DNAH12: variants seen among roughly 807,000 people sequenced by gnomAD.
The protein encoded by DNAH12 is dynein axonemal heavy chain 12.
DNAH12 carries 285 observed loss-of-function variants against 371.5 expected under a neutral mutation model. The observed-to-expected ratio is 0.77, with a 90% confidence interval of 0.70 to 0.85. The LOEUF (loss-of-function observed/expected upper bound fraction) is 0.85. Ranked by LOEUF, DNAH12 falls within the 40% of genes least tolerant of loss-of-function variation. The pLI is 0.00. For missense variants in DNAH12, 3,611 were observed against 3,689.4 expected (o/e 0.98, Z 0.55); for synonymous variants, 1,200 against 1,213.0 (o/e 0.99, Z 0.22).
At chr3:57,403,571 T>A in intron 42 of DNAH12, 70 bp from the exon 43 acceptor site, 2 of 1,328,562 alleles carry the variant, frequency 1.5e-6, no homozygotes, top group Non-Finnish European at 2.0e-6. Context: ...ATGTAACTAT[T>A]GTTTCACTTT....
chr3:57,458,818 GAT>G (rs1051821084), intron 20 of DNAH12, among the ~76,000 whole-genome samples: 1 of 152,148 alleles, frequency 6.6e-6, no homozygotes, highest in Non-Finnish European at 1.5e-5. Context: ...CTGCAAGAAA[GAT>G]CTGTCCTGCA....
chr3:57,522,819 G>C (rs1031658787), intron 4 of DNAH12, among the ~76,000 whole-genome samples: 1 of 151,188 alleles, frequency 6.6e-6, no homozygotes. Context: ...GTCCCCTGTT[G>C]CCACTCATGC....
At chr3:57,366,955 G>A (rs1158679082) in intron 56 of DNAH12, 34 bp from the exon 57 acceptor site, 1 of 152,216 alleles carries the variant, frequency 6.6e-6, no homozygotes, top group Non-Finnish European at 1.5e-5. Context: ...TAACAAGTGA[G>A]CTAGTTACAT....
intron 47 of DNAH12, among the ~76,000 whole-genome samples, chr3:57,386,217 CA>C (rs2063497267): frequency 6.6e-6 from 1 of 152,036 alleles, no homozygotes; most frequent in African/African-American, 2.4e-5. Context: ...GTGATCTAGG[CA>C]ACTTATTGAA....
chr3:57,499,673 T>TATATATATATAC (rs771112538), intron 11 of DNAH12, among the ~76,000 whole-genome samples: 2 of 44,450 alleles, frequency 4.5e-5, no homozygotes, highest in African/African-American at 1.8e-4. Context: ...TATATATATA[T>TATATATATATAC]ATACTTCTTA....
chr3:57,402,331 T>C, intron 43 of DNAH12: 1 of 1,174,092 alleles, frequency 8.5e-7, no homozygotes, highest in African/African-American at 1.6e-5. Context: ...CCACTTTGTA[T>C]CATCTCTCTG....
At chr3:57,446,719 T>A (rs540140175) in intron 25 of DNAH12, 30 bp from the exon 26 acceptor site, 1 of 1,452,074 alleles carries the variant, frequency 6.9e-7, no homozygotes, top group Non-Finnish European at 9.1e-7. Context: ...TGAAAAGAAA[T>A]CCATGCTTAA....
intron 66 of DNAH12, among the ~76,000 whole-genome samples, chr3:57,313,697 C>T (rs112830684): frequency 0.11 from 16,511 of 152,102 alleles, 2,991 homozygotes; most frequent in African/African-American, 0.37. Context: ...GTCCCAGTTA[C>T]TCCAGAGGCT....
chr3:57,481,449 T>A (rs979145317), intron 13 of DNAH12, among the ~76,000 whole-genome samples: 1 of 152,228 alleles, frequency 6.6e-6, no homozygotes, highest in Non-Finnish European at 1.5e-5. Context: ...GAACATTCCA[T>A]GCTCATGGGT....
chr3:57,492,453 T>A (rs1239088726), intron 11 of DNAH12, among the ~76,000 whole-genome samples: 2 of 151,212 alleles, frequency 1.3e-5, no homozygotes, highest in Non-Finnish European at 3.0e-5. Context: ...AGAGCAAAAC[T>A]CCAACTCAAA....
intron 58 of DNAH12, among the ~76,000 whole-genome samples, chr3:57,360,268 C>A (rs1006184258): frequency 2.6e-5 from 4 of 152,084 alleles, no homozygotes; most frequent in African/African-American, 7.2e-5. Context: ...TCCTTTGGCT[C>A]CCCCAAGATG....
chr3:57,354,910 T>C lies in DNAH12; in HGVS notation c.9533+2266A>G, dbSNP rs992165479. On this transcript the variant is annotated intron_variant, in intron 59 of 73. Coordinates refer to ENST00000495027, the MANE Select transcript of DNAH12 (RefSeq NM_001366028.2). ...CCATATGATTCTATTTATATAAAAT[T>C]TTTGAAGTAACAAAAGCACAGAAAT... is the stretch of plus-strand genomic sequence containing the variant. 2.8e-4 allele frequency among the ~76,000 whole-genome samples: 42 copies of C among 152,308 alleles called. No individual in the cohort carries two copies. The East Asian group carries it at 6.4e-3, about 23-fold the overall frequency.
chr3:57,424,487 T>A (rs1287154004), intron 35 of DNAH12, among the ~76,000 whole-genome samples: 15 of 89,634 alleles, frequency 1.7e-4, no homozygotes, highest in African/African-American at 1.6e-4. Context: ...AAAAAAAAAA[T>A]TGGATAGTTG....
Position 57,445,390 on chromosome 3 carries a change from A to G in DNAH12, c.4209T>C (p.Val1403=). 1 of 1,547,084 alleles carries G rather than the reference A, an allele frequency of 6.5e-7. No homozygotes were observed. The highest frequency in any genetic ancestry group is 8.7e-7 in the Non-Finnish European group (1 of 1,145,744). Reference sequence around the variant, plus strand: ...TTTCTGCTATAAGCGCATAGTTTGGAACCATCATAGCCACTGTTCTAAAAA... The same window carrying G: ...TTTCTGCTATAAGCGCATAGTTTGGGACCATCATAGCCACTGTTCTAAAAA... The part of the protein sequence containing the change: ...KVLFRTVAMM[V]PNYALIAEIS... Residue 1403 remains valine, a synonymous_variant, in exon 28 of 74, where the codon GTT becomes GTC. Transcript: ENST00000495027.
chr3:57,314,923 C>T (rs983348812), intron 65 of DNAH12, among the ~76,000 whole-genome samples: 6 of 152,104 alleles, frequency 3.9e-5, no homozygotes, highest in African/African-American at 9.7e-5. Context: ...TGGTATTACT[C>T]GCAGAGATTT....
chr3:57,351,961 C>A, intron 60 of DNAH12, 124 bp downstream of exon 60: 1 of 993,208 alleles, frequency 1.0e-6, no homozygotes, highest in Middle Eastern at 3.2e-4. Context: ...CAGTGAAATG[C>A]ACAAGTAAAA....
rs1553660702 is a variant in DNAH12 at position 57,352,235 on chromosome 3, A to G, written c.9534-10T>C. On this transcript the variant is annotated splice_polypyrimidine_tract_variant and intron_variant, in intron 59 of 73. Coordinates refer to ENST00000495027, the MANE Select transcript of DNAH12 (RefSeq NM_001366028.2). ...AATCTTGGATTTGTTACTAAAGTTA[A>G]AAAGAAGGAAAACGTATTGTCAAAC... The G allele has an allele frequency of 6.5e-7, 1 of 1,528,832 alleles. No homozygotes were observed. The highest frequency in any genetic ancestry group is 1.4e-5 in the African/African-American group (1 of 71,380). 94.7% of individuals were successfully genotyped at this position (1,528,832 alleles called of 1,614,324 possible). A position where few individuals can be genotyped will look rare whatever the true frequency, so the allele number is the denominator to read the frequency against.
At chr3:57,378,487 T>C (rs1403508) in intron 52 of DNAH12, among the ~76,000 whole-genome samples, 103,859 of 152,060 alleles carry the variant, frequency 0.68, 36,264 homozygotes, top group Non-Finnish European at 0.78. Flanking sequence ...ATTATTACAG[T>C]TTGATCATTT....
At position 57,390,811 on chromosome 3, in the gene DNAH12, C is replaced by G. The variant is rs1161847152; in HGVS notation, c.7305+1061G>C. 2.6e-5 allele frequency among the ~76,000 whole-genome samples: 4 copies of G among 152,062 alleles called. No individual in the cohort carries two copies. In the East Asian group the frequency reaches 7.8e-4, roughly 30 times the overall value. ...TCTTGTTTTGCCCTACTCCAATTCA[C>G]CTACCACACAGCTTCCAACTGCTTT... On this transcript the variant is annotated intron_variant, in intron 45 of 73. Transcript: ENST00000495027.
Sources: gnomAD v4.1 joint callset for allele counts (sites outside exome capture counted in the v4.1 genomes callset) on GRCh38, gnomAD v4.1.1 for gene constraint, MANE v1.5 for transcripts, NCBI Gene and HGNC (gene_info 2026-07-23, HGNC 2026-07-21) for gene names.